The following NHLRC2 variants were observed in gnomAD, a reference collection of about 807,000 sequenced individuals.
NHLRC2 encodes NHL repeat-containing protein 2.
NHLRC2 carries 33 observed loss-of-function variants against 68.1 expected under a neutral mutation model. That is an observed-to-expected ratio of 0.48 (90% CI 0.37 to 0.65). The LOEUF is 0.65. NHLRC2 is among the 30% of genes least tolerant of loss of function. NHLRC2 has a pLI of 0.00. For synonymous variants in NHLRC2, 311 were observed against 309.6 expected (o/e 1.00, Z -0.05); for missense variants, 761 against 853.8 (o/e 0.89, Z 1.35).
intron 6 of NHLRC2, among the ~76,000 whole-genome samples, chr10:113,898,653 G>A (rs1480309622): frequency 2.6e-5 from 4 of 152,146 alleles, no homozygotes; most frequent in Non-Finnish European, 4.4e-5. Context: ...ATATTCAGTG[G>A]ACCCTTATCT....
chr10:113,903,475 C>A, intron 8 of NHLRC2, 52 bp from the exon 9 acceptor site: 1 of 1,141,968 alleles, frequency 8.8e-7, no homozygotes, highest in Non-Finnish European at 1.3e-6. Context: ...TTCCATACAA[C>A]AAACATGAGA....
At chr10:113,881,722 A>G (rs1460121057) in intron 4 of NHLRC2, among the ~76,000 whole-genome samples, 2 of 151,750 alleles carry the variant, frequency 1.3e-5, no homozygotes, top group East Asian at 1.9e-4. Context: ...TTTATGTATC[A>G]TAAAGTTAAC....
At chr10:113,875,731 TA>T (rs971421983) in intron 2 of NHLRC2, among the ~76,000 whole-genome samples, 4 of 152,164 alleles carry the variant, frequency 2.6e-5, no homozygotes, top group Non-Finnish European at 5.9e-5. Context: ...TTGATAGTTA[TA>T]ATAGAAGCAT....
intron 2 of NHLRC2, among the ~76,000 whole-genome samples, chr10:113,861,999 A>G (rs966451787): frequency 1.3e-5 from 2 of 151,946 alleles, no homozygotes; most frequent in African/African-American, 4.8e-5. Context: ...CAGCCTCCCA[A>G]GTAGCTGGGA....
chr10:113,876,763 T>G lies in NHLRC2; in HGVS notation c.574T>G (p.Ser192Ala). 6.2e-7 allele frequency: 1 copy of G among 1,610,722 alleles called. No individual in the cohort carries two copies. Among genetic ancestry groups the G allele is most frequent in the Non-Finnish European group, 8.5e-7 (1 of 1,177,056 alleles). ...CAAAGATAAATTATTTTTATATACT[T>G]CAATTGCTTTAAAGTATTACAAAGA... ...GHKDKLFLYT[S>A]IALKYYKDRG... is the part of the protein sequence containing the mutation. Residue 192 changes from serine to alanine, a missense_variant, in exon 3 of 11, where the codon TCA becomes GCA. Transcript: ENST00000369301.
At chr10:113,897,357 TG>T (rs1846186003) in intron 5 of NHLRC2, among the ~76,000 whole-genome samples, 1 of 152,192 alleles carries the variant, frequency 6.6e-6, no homozygotes. Flanking sequence ...ACTTCTTAAG[TG>T]GAAGAGGTTG....
At chr10:113,866,718 C>A (rs575790165) in intron 2 of NHLRC2, among the ~76,000 whole-genome samples, 1 of 151,934 alleles carries the variant, frequency 6.6e-6, no homozygotes, top group South Asian at 2.1e-4. Context: ...TGTCATTGTT[C>A]TCAAACCTCG....
chr10:113,902,437 A>G (rs777336008), intron 7 of NHLRC2, 34 bp from the exon 8 acceptor site: 34 of 1,368,410 alleles, frequency 2.5e-5, no homozygotes, highest in Non-Finnish European at 3.2e-5. Context: ...AATTATAATA[A>G]CTGCTGTTTC....
At chr10:113,902,443 G>C in intron 7 of NHLRC2, 28 bp from the exon 8 acceptor site, 1 of 1,446,796 alleles carries the variant, frequency 6.9e-7, no homozygotes, top group Non-Finnish European at 9.4e-7. Flanking sequence ...AATAACTGCT[G>C]TTTCTTTTCT....
In NHLRC2 at chr10:113,910,039, A is replaced by G. The variant is rs1179964109; in HGVS notation, c.*1503A>G. The G allele has an allele frequency of 6.6e-6, 1 of 152,222 alleles. No homozygotes were observed. The highest frequency in any genetic ancestry group is 1.5e-5 in the Non-Finnish European group (1 of 68,040). 9.4% of individuals were successfully genotyped at this position (152,222 alleles called of 1,614,324 possible). A position where few individuals can be genotyped will look rare whatever the true frequency, so the allele number is the denominator to read the frequency against. On this transcript the variant is annotated 3_prime_UTR_variant, in exon 11 of 11. Coordinates refer to ENST00000369301, the MANE Select transcript of NHLRC2 (RefSeq NM_198514.4). ...ATTTAATTAGTCATCTACTGAAGCT[A>G]CTTTTAAAGAGAAATATAGATATAA... is the stretch of plus-strand genomic sequence containing the variant.
intron 2 of NHLRC2, among the ~76,000 whole-genome samples, chr10:113,875,912 C>CTT (rs78571661): frequency 5.3e-5 from 7 of 132,740 alleles, no homozygotes; most frequent in South Asian, 2.4e-4. Flanking sequence ...CAGCCAAACA[C>CTT]TTTTTTTTTT....
rs748104017 is a variant in NHLRC2 at position 113,914,066 on chromosome 10, G to C, written c.*5530G>C. 1 of 152,254 alleles carries C rather than the reference G, an allele frequency of 6.6e-6. No individual in the cohort carries two copies. The highest frequency in any genetic ancestry group is 2.4e-5 in the African/African-American group (1 of 41,412). The allele number at this position is 152,254 out of a possible 1,614,324, so 9.4% of individuals were successfully genotyped here. A position where few individuals can be genotyped will look rare whatever the true frequency, so the allele number is the denominator to read the frequency against. On this transcript the variant is annotated 3_prime_UTR_variant, in exon 11 of 11. Transcript: ENST00000369301. ...AACAGGGTTTCTGTTGGCCAGGTTG[G>C]TCTCGAACTCCTGACCTCATGTGAT...
In NHLRC2 at chr10:113,916,457, G is replaced by A. The variant is rs370623731; in HGVS notation, c.*7921G>A. 362 of 152,160 alleles carry A rather than the reference G, an allele frequency of 2.4e-3. 1 individual carries two copies. The highest frequency in any genetic ancestry group is 7.9e-3 in the African/African-American group (329 of 41,516). The allele number at this position is 152,160 out of a possible 1,614,324, so 9.4% of individuals were successfully genotyped here. On this transcript the variant is annotated 3_prime_UTR_variant, in exon 11 of 11. Transcript: ENST00000369301. ...AATAATAGCTCAGTTTTTAAAGGAGGGGAACAATACCCCATGAGTTCAAAT... is the reference window on the plus strand; with the variant it reads ...AATAATAGCTCAGTTTTTAAAGGAGAGGAACAATACCCCATGAGTTCAAAT...
chr10:113,880,185 C>CA (rs1846023784), intron 4 of NHLRC2, among the ~76,000 whole-genome samples: 1 of 151,924 alleles, frequency 6.6e-6, no homozygotes, highest in Non-Finnish European at 1.5e-5. Context: ...AAAAAGTCCC[C>CA]TGACCATCAA....
At chr10:113,873,154 T>C (rs575926009) in intron 2 of NHLRC2, among the ~76,000 whole-genome samples, 1 of 152,232 alleles carries the variant, frequency 6.6e-6, no homozygotes, top group South Asian at 2.1e-4. Context: ...GTGTAAACCA[T>C]AAACCAAAGA....
At chr10:113,871,203 TA>T (rs1845921777) in intron 2 of NHLRC2, among the ~76,000 whole-genome samples, 1 of 152,130 alleles carries the variant, frequency 6.6e-6, no homozygotes, top group Admixed American at 6.5e-5. Flanking sequence ...TTTGTATTTT[TA>T]GTAGAGACAG....
intron 2 of NHLRC2, among the ~76,000 whole-genome samples, chr10:113,871,092 T>G (rs988620995): frequency 8.9e-5 from 13 of 145,940 alleles, no homozygotes; most frequent in African/African-American, 3.3e-4. Context: ...TGGCGTGATC[T>G]CGGTTCACCG....
chr10:113,895,907 CA>C (rs1472958719), intron 5 of NHLRC2, among the ~76,000 whole-genome samples: 1 of 152,110 alleles, frequency 6.6e-6, no homozygotes, highest in Admixed American at 6.6e-5. Flanking sequence ...GACTTGAAAA[CA>C]TAATCATTTA....
In NHLRC2 at chr10:113,876,812, A is replaced by C. The variant is rs748119097; in HGVS notation, c.623A>C (p.Lys208Thr). ...YKDRGQIRDNKIGIKLYKDSL... is the reference protein window; with the variant it reads ...YKDRGQIRDNTIGIKLYKDSL... ...GACAGGGGGCAGATCAGAGATAATA[A>C]AATTGGAATAAAACTCTATAAAGAT... The change falls in exon 3 of 11, where the codon AAA (lysine) becomes ACA (threonine). Residue 208 changes from lysine to threonine, a missense_variant. Physicochemically the swap from Lys to Thr is moderately conservative, Grantham distance 78 (BLOSUM62 -1). Transcript: ENST00000369301. 1 of 1,613,038 alleles carries C rather than the reference A, an allele frequency of 6.2e-7. No homozygotes were observed. The highest frequency in any genetic ancestry group is 8.5e-7 in the Non-Finnish European group (1 of 1,179,238).
Sources: gnomAD v4.1 joint callset for allele counts (sites outside exome capture counted in the v4.1 genomes callset) on GRCh38, gnomAD v4.1.1 for gene constraint, MANE v1.5 for transcripts, NCBI Gene and HGNC (gene_info 2026-07-23, HGNC 2026-07-21) for gene names.